SLC35F1: variants seen among roughly 807,000 people sequenced by gnomAD.
The protein encoded by SLC35F1 is chromosome 6 open reading frame 169.
SLC35F1 carries 14 observed loss-of-function variants against 48.7 expected under a neutral mutation model. The observed-to-expected ratio is 0.29, with a 90% CI of 0.19 to 0.45. SLC35F1 has a LOEUF of 0.45. SLC35F1 is among the 20% of genes least tolerant of loss of function. The probability of loss-of-function intolerance (pLI) is 1.00; values close to 1 mark genes in which losing one functional copy is unlikely to be tolerated. For synonymous variants in SLC35F1, 190 were observed against 202.2 expected (o/e 0.94, Z 0.51); for missense variants, 404 against 500.0 (o/e 0.81, Z 1.83).
At chr6:118,075,176 T>G (rs1289228612) in intron 1 of SLC35F1, among the ~76,000 whole-genome samples, 1 of 152,232 alleles carries the variant, frequency 6.6e-6, no homozygotes, top group Non-Finnish European at 1.5e-5. Context: ...TTCTTGAACT[T>G]GCAGTCAGTA....
In SLC35F1 at chr6:117,939,177, T is replaced by G. The variant is rs181396488; in HGVS notation, c.173+31278T>G. On this transcript the variant is annotated intron_variant, in intron 1 of 7. Transcript: ENST00000360388. ...ACCACAACTGGCTAATTTTTAAAAT[T>G]TGTTGGTATTATTTTGTAGAGACAG... 9.7e-4 allele frequency among the ~76,000 whole-genome samples: 148 copies of G among 152,096 alleles called. 1 individual carries two copies. Among genetic ancestry groups the G allele is most frequent in the Middle Eastern group, 3.4e-3 (1 of 294 alleles).
At chr6:118,099,761 G>A (rs1225502794) in intron 1 of SLC35F1, among the ~76,000 whole-genome samples, 1 of 152,140 alleles carries the variant, frequency 6.6e-6, no homozygotes, top group East Asian at 1.9e-4. Flanking sequence ...TCCTGCATTG[G>A]GAGAAAATGC....
intron 1 of SLC35F1, among the ~76,000 whole-genome samples, chr6:118,039,529 C>T (rs1772180841): frequency 1.3e-5 from 2 of 151,688 alleles, no homozygotes; most frequent in Admixed American, 6.6e-5. Context: ...TTTGTTCATT[C>T]TTTTTTCATT....
At chr6:118,132,096 G>A (rs776961694) in intron 1 of SLC35F1, among the ~76,000 whole-genome samples, 10 of 152,118 alleles carry the variant, frequency 6.6e-5, no homozygotes, top group Non-Finnish European at 1.2e-4. Flanking sequence ...TTAAGAAGCT[G>A]TTGTTTCAAG....
At chr6:118,262,794 T>G (rs1004494694) in intron 3 of SLC35F1, among the ~76,000 whole-genome samples, 3 of 152,202 alleles carry the variant, frequency 2.0e-5, no homozygotes, top group Admixed American at 6.5e-5. Flanking sequence ...TGTTTAAAAC[T>G]ACAGGGTTCA....
intron 1 of SLC35F1, among the ~76,000 whole-genome samples, chr6:118,081,897 T>C (rs373666028): frequency 1.3e-5 from 2 of 152,162 alleles, no homozygotes; most frequent in East Asian, 3.9e-4. Context: ...TTTACTCCAG[T>C]AGTTCTCACA....
intron 1 of SLC35F1, among the ~76,000 whole-genome samples, chr6:118,067,650 A>G (rs1413531182): frequency 6.6e-6 from 1 of 152,250 alleles, no homozygotes; most frequent in African/African-American, 2.4e-5. Context: ...GGCTAAAGAC[A>G]GGTGATTCAA....
At chr6:118,062,293 T>A (rs531859150) in intron 1 of SLC35F1, among the ~76,000 whole-genome samples, 3 of 152,346 alleles carry the variant, frequency 2.0e-5, no homozygotes, top group Admixed American at 2.0e-4. Context: ...CAAAATGAGA[T>A]CTAAAAAGAT....
At chr6:118,216,830 C>T (rs1775080037) in intron 2 of SLC35F1, among the ~76,000 whole-genome samples, 1 of 152,122 alleles carries the variant, frequency 6.6e-6, no homozygotes, top group Non-Finnish European at 1.5e-5. Flanking sequence ...AACTTCAGCT[C>T]AATGCAAAAC....
At chr6:118,240,905 C>T (rs1173871375) in intron 3 of SLC35F1, among the ~76,000 whole-genome samples, 1 of 152,134 alleles carries the variant, frequency 6.6e-6, no homozygotes, top group Admixed American at 6.5e-5. Context: ...GGGATCAGCC[C>T]CCACAGGTCT....
chr6:118,051,475 T>G (rs1349609658), intron 1 of SLC35F1, among the ~76,000 whole-genome samples: 1 of 152,176 alleles, frequency 6.6e-6, no homozygotes, highest in Non-Finnish European at 1.5e-5. Flanking sequence ...ATAAAAGAAT[T>G]TTCTAAATAC....
At chr6:118,233,929 C>A (rs1193483837) in intron 2 of SLC35F1, among the ~76,000 whole-genome samples, 1 of 152,186 alleles carries the variant, frequency 6.6e-6, no homozygotes, top group Non-Finnish European at 1.5e-5. Context: ...GGTCAAGAGA[C>A]CCTTCTCTCC....
intron 1 of SLC35F1, among the ~76,000 whole-genome samples, chr6:118,017,336 ACT>A (rs1491541967): frequency 8.3e-5 from 12 of 143,906 alleles, no homozygotes; most frequent in Admixed American, 3.4e-4. Flanking sequence ...AGACAGGAAA[ACT>A]TTTTTTTGTC....
At chr6:118,102,341 A>T (rs1436611491) in intron 1 of SLC35F1, among the ~76,000 whole-genome samples, 3 of 152,028 alleles carry the variant, frequency 2.0e-5, no homozygotes, top group African/African-American at 7.2e-5. Context: ...GCACCGCCAC[A>T]CCCAGCTAAG....
chr6:118,280,109 T>A (rs1199393550), intron 6 of SLC35F1, among the ~76,000 whole-genome samples: 1 of 152,208 alleles, frequency 6.6e-6, no homozygotes, highest in African/African-American at 2.4e-5. Context: ...AAGATAATAG[T>A]TATTGTTGTT....
intron 1 of SLC35F1, among the ~76,000 whole-genome samples, chr6:117,937,439 T>C (rs1294909272): frequency 6.6e-6 from 1 of 152,198 alleles, no homozygotes. Flanking sequence ...TCAAAACAAA[T>C]TAATGCTAAA....
intron 1 of SLC35F1, among the ~76,000 whole-genome samples, chr6:118,121,388 C>G (rs1210271078): frequency 6.6e-6 from 1 of 152,166 alleles, no homozygotes; most frequent in Non-Finnish European, 1.5e-5. Flanking sequence ...CATAGAACCA[C>G]TGAAAGTTAT....
chr6:118,119,224 C>T lies in SLC35F1; in HGVS notation c.174-35221C>T, dbSNP rs553406945. The stretch of plus-strand genomic sequence containing the variant: ...AATAGGATGCTTATATACCCAATGA[C>T]GTAAAATAATTCAGCTGTAACAATG... On this transcript the variant is annotated intron_variant, in intron 1 of 7. Transcript: ENST00000360388. Among the ~76,000 whole-genome samples, 27 of 152,016 alleles carry T rather than the reference C, an allele frequency of 1.8e-4. 1 individual carries two copies. The East Asian group carries it at 3.3e-3, about 19-fold the overall frequency.
chr6:118,119,501 C>A (rs1331185052), intron 1 of SLC35F1, among the ~76,000 whole-genome samples: 11 of 106,870 alleles, frequency 1.0e-4, no homozygotes, highest in African/African-American at 2.7e-4. Flanking sequence ...GGCGCCCCCC[C>A]TCCACCCCGC....
Sources: gnomAD v4.1 joint callset for allele counts (sites outside exome capture counted in the v4.1 genomes callset) on GRCh38, gnomAD v4.1.1 for gene constraint, MANE v1.5 for transcripts, NCBI Gene and HGNC (gene_info 2026-07-23, HGNC 2026-07-21) for gene names.